CSMD1: variants seen among roughly 807,000 people sequenced by gnomAD.
CSMD1 encodes CUB and sushi domain-containing protein 1.
Under a neutral mutation model 417.5 loss-of-function variants are expected in CSMD1, and 213 were observed. The observed-to-expected ratio is 0.51, with a 90% confidence interval of 0.46 to 0.57. The LOEUF (loss-of-function observed/expected upper bound fraction) is 0.57. Among genes scored for constraint, CSMD1 ranks in the 20% least tolerant of loss-of-function variants. The pLI is 0.00. For missense variants in CSMD1, 6,923 were observed against 4,529.7 expected (o/e 1.53, Z -15.17); for synonymous variants, 2,862 against 1,736.8 (o/e 1.65, Z -16.11).
chr8:4,463,149 A>G (rs929999359), intron 2 of CSMD1, among the ~76,000 whole-genome samples: 1 of 152,228 alleles, frequency 6.6e-6, no homozygotes, highest in Non-Finnish European at 1.5e-5. Context: ...CGCTGCCCCA[A>G]AGAAGATACA....
At chr8:4,396,388 G>C (rs571307051) in intron 3 of CSMD1, among the ~76,000 whole-genome samples, 169 of 152,094 alleles carry the variant, frequency 1.1e-3, no homozygotes, top group African/African-American at 3.9e-3. Context: ...GATTGCTTGA[G>C]CCTGGGAGGC....
chr8:3,701,511 A>AAT (rs59254287), intron 7 of CSMD1, among the ~76,000 whole-genome samples: 91,889 of 149,760 alleles, frequency 0.61, 28,322 homozygotes, highest in African/African-American at 0.72. Flanking sequence ...ATTAAACCTT[A>AAT]TTTTTTTTTT....
At chr8:4,384,276 A>G (rs1414987872) in intron 3 of CSMD1, among the ~76,000 whole-genome samples, 2 of 152,178 alleles carry the variant, frequency 1.3e-5, no homozygotes, top group Admixed American at 6.5e-5. Flanking sequence ...CCAACATGGT[A>G]AAGCCTTAGC....
intron 6 of CSMD1, among the ~76,000 whole-genome samples, chr8:3,710,638 T>C (rs1434943697): frequency 2.6e-5 from 4 of 152,158 alleles, no homozygotes; most frequent in Admixed American, 1.3e-4. Context: ...CTGGAGACCA[T>C]GCCTCTTGGA....
At chr8:3,918,133 G>C (rs1029599332) in intron 5 of CSMD1, among the ~76,000 whole-genome samples, 2 of 151,948 alleles carry the variant, frequency 1.3e-5, no homozygotes, top group African/African-American at 2.4e-5. Flanking sequence ...CCTGGCAATT[G>C]CTAATACTGC....
chr8:3,764,456 C>T (rs10866957), intron 5 of CSMD1, among the ~76,000 whole-genome samples: 42,534 of 152,012 alleles, frequency 0.28, 6,074 homozygotes, highest in South Asian at 0.37. Context: ...TGAAGACATG[C>T]GTGTGAGTGA....
chr8:3,624,579 C>A (rs1796404298), intron 7 of CSMD1, among the ~76,000 whole-genome samples: 1 of 152,146 alleles, frequency 6.6e-6, no homozygotes, highest in African/African-American at 2.4e-5. Flanking sequence ...ACCATTTAAG[C>A]CTTCAGAGAG....
intron 50 of CSMD1, among the ~76,000 whole-genome samples, chr8:3,048,831 C>T (rs1235716592): frequency 6.7e-6 from 1 of 148,726 alleles, no homozygotes; most frequent in African/African-American, 2.5e-5. Context: ...TTGCAAAAGA[C>T]ATATGGGATA....
intron 6 of CSMD1, among the ~76,000 whole-genome samples, chr8:3,723,810 C>T (rs1802327801): frequency 6.6e-6 from 1 of 152,168 alleles, no homozygotes. Context: ...ATGACCGCAA[C>T]TTACTGCTAC....
At chr8:4,343,688 C>T (rs1800613968) in intron 3 of CSMD1, among the ~76,000 whole-genome samples, 1 of 152,076 alleles carries the variant, frequency 6.6e-6, no homozygotes, top group South Asian at 2.1e-4. Context: ...CTGACCTTTG[C>T]AGCTTTTTCT....
At position 4,994,645 on chromosome 8, in the gene CSMD1, A is replaced by T. The variant is rs895925183; in HGVS notation, c.-229T>A. On this transcript the variant is annotated 5_prime_UTR_variant, in exon 1 of 70. Coordinates refer to ENST00000635120, the MANE Select transcript of CSMD1 (RefSeq NM_033225.6). ...GGGCTGAGCTGCTCCGAGCGCGGAG[A>T]CCCGGGCTGGCGGGGCCGGGGCCGG... 1 of 425,032 alleles carries T rather than the reference A, an allele frequency of 2.4e-6. No individual in the cohort carries two copies. The highest frequency in any genetic ancestry group is 4.2e-6 in the Non-Finnish European group (1 of 238,008). The allele number at this position is 425,032 out of a possible 1,614,324, so 26.3% of individuals were successfully genotyped here. A position where few individuals can be genotyped will look rare whatever the true frequency, so the allele number is the denominator to read the frequency against.
At chr8:4,776,196 A>C (rs1796844531) in intron 1 of CSMD1, among the ~76,000 whole-genome samples, 1 of 152,096 alleles carries the variant, frequency 6.6e-6, no homozygotes, top group Admixed American at 6.6e-5. Flanking sequence ...GCCTGTTCCC[A>C]TGGTCACTCT....
chr8:4,469,572 T>A (rs944790550), intron 2 of CSMD1, among the ~76,000 whole-genome samples: 1 of 152,172 alleles, frequency 6.6e-6, no homozygotes, highest in Non-Finnish European at 1.5e-5. Context: ...TTTCAGTAGC[T>A]TGTGCAAACA....
intron 23 of CSMD1, among the ~76,000 whole-genome samples, chr8:3,333,221 G>C (rs1807024206): frequency 6.6e-6 from 1 of 152,252 alleles, no homozygotes; most frequent in East Asian, 1.9e-4. Flanking sequence ...GTCCTTGTGA[G>C]ACCCTGAGAG....
At chr8:4,386,842 C>A (rs1293303395) in intron 3 of CSMD1, among the ~76,000 whole-genome samples, 3 of 152,082 alleles carry the variant, frequency 2.0e-5, no homozygotes, top group African/African-American at 7.2e-5. Context: ...GAAATAAGAC[C>A]ACAGCAGCAA....
intron 6 of CSMD1, among the ~76,000 whole-genome samples, chr8:3,751,366 A>G (rs562745112): frequency 6.8e-6 from 1 of 148,080 alleles, no homozygotes. Context: ...CTACATCTAT[A>G]TATAAATTAT....
Position 4,992,230 on chromosome 8 carries a change from C to A in CSMD1, c.85+2102G>T, listed in dbSNP as rs1014820482. 2.0e-5 allele frequency among the ~76,000 whole-genome samples: 3 copies of A among 151,878 alleles called. No homozygotes were observed. In the East Asian group the frequency reaches 5.8e-4, roughly 29 times the overall value. On this transcript the variant is annotated intron_variant, in intron 1 of 69. Transcript: ENST00000635120. ...ACCTGGCCCTCCACACCCTCCCTCC[C>A]GCCTCCGCCTCAGCCTCATCCTAGC...
At chr8:3,972,732 C>G (rs975893618) in intron 5 of CSMD1, among the ~76,000 whole-genome samples, 7 of 152,204 alleles carry the variant, frequency 4.6e-5, no homozygotes, top group Non-Finnish European at 1.0e-4. Context: ...GGAGTAAACA[C>G]ACAGCACCAG....
At chr8:3,810,654 T>C (rs531978497) in intron 5 of CSMD1, among the ~76,000 whole-genome samples, 65 of 152,320 alleles carry the variant, frequency 4.3e-4, no homozygotes, top group African/African-American at 1.5e-3. Flanking sequence ...TTTATAAAAC[T>C]TTGAGAAAGT....
Sources: gnomAD v4.1 joint callset for allele counts (sites outside exome capture counted in the v4.1 genomes callset) on GRCh38, gnomAD v4.1.1 for gene constraint, MANE v1.5 for transcripts, NCBI Gene and HGNC (gene_info 2026-07-23, HGNC 2026-07-21) for gene names.